The following RBPMS variants were observed in gnomAD, a reference collection of about 807,000 sequenced individuals.
RBPMS encodes the protein RNA binding protein, mRNA processing factor.
A neutral mutation model predicts 26.8 loss-of-function variants in RBPMS; 7 were observed. That is an observed-to-expected ratio of 0.26 (90% CI 0.15 to 0.49). The LOEUF is 0.49. Among genes scored for constraint, RBPMS ranks in the 20% least tolerant of loss-of-function variants. RBPMS has a pLI of 0.98. For missense variants in RBPMS, 186 were observed against 250.0 expected (o/e 0.74, Z 1.73); for synonymous variants, 96 against 93.3 (o/e 1.03, Z -0.17).
chr8:30,567,386 G>A (rs560004777), intron 8 of RBPMS, among the ~76,000 whole-genome samples: 21 of 152,170 alleles, frequency 1.4e-4, no homozygotes, highest in Non-Finnish European at 5.9e-5. Context: ...CTGCACTTTG[G>A]GCATTTTTCC....
intron 6 of RBPMS, among the ~76,000 whole-genome samples, chr8:30,550,068 T>C (rs1017896431): frequency 6.6e-6 from 1 of 152,036 alleles, no homozygotes; most frequent in Non-Finnish European, 1.5e-5. Flanking sequence ...GCCAGGATGG[T>C]CTCGATCTCA....
chr8:30,494,902 T>C (rs530073020), intron 4 of RBPMS, among the ~76,000 whole-genome samples: 2 of 152,332 alleles, frequency 1.3e-5, no homozygotes, highest in African/African-American at 2.4e-5. Context: ...GTTTTCACCA[T>C]AGGAATTTGG....
At chr8:30,503,460 T>C (rs1204472665) in intron 4 of RBPMS, among the ~76,000 whole-genome samples, 1 of 151,836 alleles carries the variant, frequency 6.6e-6, no homozygotes, top group Admixed American at 6.6e-5. Flanking sequence ...GGTTTCACCA[T>C]GTTGCCCAGG....
At chr8:30,548,794 G>A (rs569711604) in intron 6 of RBPMS, among the ~76,000 whole-genome samples, 13 of 152,316 alleles carry the variant, frequency 8.5e-5, no homozygotes, top group African/African-American at 1.9e-4. Flanking sequence ...CTGAGCAGTT[G>A]CTCATCAGCA....
In RBPMS at chr8:30,477,867, C is replaced by G. The variant is rs769893452; in HGVS notation, c.183+30C>G. On this transcript the variant is annotated intron_variant, in intron 3 of 8. Transcript: ENST00000397323. ...GAATTTCAAAGTGGCATATAAAGAT[C>G]ACTTTTTTACTTTCCTCAGGAATAT... The G allele has an allele frequency of 4.1e-6, 6 of 1,468,456 alleles. No individual in the cohort carries two copies. The Admixed American group carries it at 6.9e-5, about 17-fold the overall frequency. 91.0% of individuals were successfully genotyped at this position (1,468,456 alleles called of 1,614,324 possible).
At chr8:30,482,782 C>A (rs1164390140) in intron 4 of RBPMS, among the ~76,000 whole-genome samples, 1 of 152,090 alleles carries the variant, frequency 6.6e-6, no homozygotes, top group Non-Finnish European at 1.5e-5. Context: ...AATATCTGAC[C>A]TATTCTTTGT....
chr8:30,546,652 G>A (rs147973835), intron 6 of RBPMS, among the ~76,000 whole-genome samples: 154 of 152,236 alleles, frequency 1.0e-3, no homozygotes, highest in African/African-American at 3.4e-3. Flanking sequence ...CTGCCACATC[G>A]GTCCCAGATT....
Position 30,571,127 on chromosome 8 carries a change from A to T in RBPMS, c.*602A>T, listed in dbSNP as rs1442063818. 6.6e-6 allele frequency: 1 copy of T among 152,234 alleles called. No individual in the cohort carries two copies. Among genetic ancestry groups the T allele is most frequent in the African/African-American group, 2.4e-5 (1 of 41,458 alleles). The allele number at this position is 152,234 out of a possible 1,614,324, so 9.4% of individuals were successfully genotyped here. ...TAGCATGGTGTTAGATGTTAGAAAC[A>T]GAACTGTTATTTGCAGTGTTAGGTC... On this transcript the variant is annotated 3_prime_UTR_variant, in exon 9 of 9. Coordinates refer to ENST00000397323, the MANE Select transcript of RBPMS (RefSeq NM_001008710.3).
chr8:30,558,675 G>C (rs1563451650), intron 6 of RBPMS: 1 of 623,676 alleles, frequency 1.6e-6, no homozygotes, highest in Non-Finnish European at 2.9e-6. Flanking sequence ...TTTCCTCAGA[G>C]AGCTTGCCTG....
At chr8:30,524,115 T>C (rs1224857878) in intron 5 of RBPMS, among the ~76,000 whole-genome samples, 1 of 152,148 alleles carries the variant, frequency 6.6e-6, no homozygotes, top group African/African-American at 2.4e-5. Flanking sequence ...CTGCAAGTTA[T>C]CTTTTATATA....
intron 1 of RBPMS, among the ~76,000 whole-genome samples, chr8:30,435,476 A>T (rs953004565): frequency 1.3e-5 from 2 of 152,254 alleles, no homozygotes; most frequent in Non-Finnish European, 2.9e-5. Context: ...ATTCTGTTTC[A>T]TAAATCACAG....
At chr8:30,408,950 A>G (rs1456843672) in intron 1 of RBPMS, among the ~76,000 whole-genome samples, 1 of 152,206 alleles carries the variant, frequency 6.6e-6, no homozygotes, top group African/African-American at 2.4e-5. Context: ...GTGGAATGAT[A>G]CAAGATCGGT....
rs1442359045 is a variant in RBPMS at position 30,503,505 on chromosome 8, C to A, written c.247-781C>A. Among the ~76,000 whole-genome samples, 7 of 151,504 alleles carry A rather than the reference C, an allele frequency of 4.6e-5. 1 individual carries two copies. The highest frequency in any genetic ancestry group is 2.0e-4 in the Admixed American group (3 of 15,092). ...AACTCCCGAGCTCAGGCAATCCACTCGCCTCGGCCTCCCAAAGTGCTAGGA... is the reference window on the plus strand; with the variant it reads ...AACTCCCGAGCTCAGGCAATCCACTAGCCTCGGCCTCCCAAAGTGCTAGGA... On this transcript the variant is annotated intron_variant, in intron 4 of 8. Transcript: ENST00000397323.
chr8:30,539,726 A>G (rs895552375), intron 5 of RBPMS, among the ~76,000 whole-genome samples: 1 of 151,858 alleles, frequency 6.6e-6, no homozygotes, highest in Non-Finnish European at 1.5e-5. Flanking sequence ...CCCAGGTTCA[A>G]GCAATTCTTG....
chr8:30,516,846 T>C (rs917265115), intron 5 of RBPMS, among the ~76,000 whole-genome samples: 7 of 151,936 alleles, frequency 4.6e-5, no homozygotes, highest in African/African-American at 1.7e-4. Context: ...GTGTATCTTG[T>C]CTGTGAATGG....
At chr8:30,418,270 G>A (rs964788369) in intron 1 of RBPMS, among the ~76,000 whole-genome samples, 2 of 152,034 alleles carry the variant, frequency 1.3e-5, no homozygotes, top group African/African-American at 2.4e-5. Context: ...TTTTAAGAGA[G>A]GGGATCTTGC....
intron 4 of RBPMS, among the ~76,000 whole-genome samples, chr8:30,489,646 C>T (rs901204774): frequency 1.3e-5 from 2 of 151,682 alleles, no homozygotes; most frequent in Admixed American, 6.6e-5. Context: ...GGTTTCACCC[C>T]GTTGGTCAGG....
At chr8:30,492,153 A>C (rs1382531236) in intron 4 of RBPMS, among the ~76,000 whole-genome samples, 1 of 152,186 alleles carries the variant, frequency 6.6e-6, no homozygotes, top group Non-Finnish European at 1.5e-5. Flanking sequence ...CGGCCTCCCA[A>C]AGTGCTGACA....
At chr8:30,556,753 A>G in intron 6 of RBPMS, 1 of 985,868 alleles carries the variant, frequency 1.0e-6, no homozygotes, top group African/African-American at 1.7e-5. Flanking sequence ...CTCTTTGCTT[A>G]GTGAGCAAGT....
Sources: allele counts gnomAD v4.1 joint callset (sites outside exome capture counted in the v4.1 genomes callset), GRCh38; gene constraint gnomAD v4.1.1; transcripts MANE v1.5; gene names NCBI Gene and HGNC (gene_info 2026-07-23, HGNC 2026-07-21).